The following MAF variants were observed in gnomAD, a reference collection of about 807,000 sequenced individuals.
The protein encoded by MAF is transcription factor Maf.
MAF carries 10 observed loss-of-function variants against 22.0 expected under a neutral mutation model. That is an observed-to-expected ratio of 0.45 (90% CI 0.28 to 0.77). The LOEUF is 0.77. Ranked by LOEUF, MAF falls within the 30% of genes least tolerant of loss-of-function variation. The pLI is 0.12. For missense variants in MAF, 544 were observed against 548.4 expected (o/e 0.99, Z 0.08); for synonymous variants, 337 against 255.8 (o/e 1.32, Z -3.03).
At chr16:79,596,015 GAGA>G in intron 1 of MAF, 1 of 1,060,678 alleles carries the variant, frequency 9.4e-7, no homozygotes, top group Non-Finnish European at 1.1e-6. Flanking sequence ...CGGTGTGTAA[GAGA>G]AGAAGGAAAA....
chr16:79,520,419 G>A, the MAF span, among the ~76,000 whole-genome samples: 233 of 152,148 alleles, frequency 1.5e-3, 1 homozygote, highest in African/African-American at 5.3e-3. Context: ...CACACAAAGG[G>A]CTCTCGTGGT....
At chr16:79,463,687 T>C in the MAF span, among the ~76,000 whole-genome samples, 5 of 152,324 alleles carry the variant, frequency 3.3e-5, no homozygotes, top group East Asian at 1.9e-4. Context: ...TAGGTTGGCA[T>C]TGGACGTGTA....
the MAF span, among the ~76,000 whole-genome samples, chr16:79,223,657 A>G: frequency 0.48 from 73,334 of 151,668 alleles, 19,270 homozygotes; most frequent in Non-Finnish European, 0.61. Flanking sequence ...AATAGACTCA[A>G]TAAAAAATGA....
the MAF span, among the ~76,000 whole-genome samples, chr16:79,521,469 A>C: frequency 6.6e-6 from 1 of 152,246 alleles, no homozygotes; most frequent in Admixed American, 6.5e-5. Flanking sequence ...CTCAGGACGC[A>C]TTTCGTACAG....
the MAF span, among the ~76,000 whole-genome samples, chr16:79,221,348 A>C: frequency 5.9e-5 from 9 of 152,192 alleles, no homozygotes; most frequent in Admixed American, 2.6e-4. Flanking sequence ...AAATTCAGTC[A>C]TGTTACCGTT....
chr16:79,302,938 GGA>G, the MAF span, among the ~76,000 whole-genome samples: 2 of 152,198 alleles, frequency 1.3e-5, no homozygotes, highest in Non-Finnish European at 2.9e-5. Flanking sequence ...CTGTCAGATG[GGA>G]GACACTCTCC....
the MAF span, among the ~76,000 whole-genome samples, chr16:79,466,898 C>T: frequency 6.6e-6 from 1 of 152,250 alleles, no homozygotes; most frequent in Admixed American, 6.5e-5. Context: ...GTGGCTTTTA[C>T]CAGTGTGGAA....
the MAF span, among the ~76,000 whole-genome samples, chr16:79,221,733 G>A: frequency 2.0e-5 from 3 of 151,562 alleles, 1 homozygote; most frequent in Non-Finnish European, 4.4e-5. Context: ...GTGTGCACGT[G>A]TGTACGTATA....
the MAF span, among the ~76,000 whole-genome samples, chr16:79,344,775 T>C: frequency 9.2e-5 from 14 of 152,340 alleles, no homozygotes; most frequent in South Asian, 4.1e-4. Context: ...CTCAGAATTT[T>C]GCATTTTTAA....
chr16:79,591,734 G>A (rs372427813), downstream of MAF, among the ~76,000 whole-genome samples: 31 of 152,300 alleles, frequency 2.0e-4, no homozygotes, highest in African/African-American at 7.5e-4. Flanking sequence ...AAAACACACA[G>A]AGGGCCTTCG....
At chr16:79,296,118 G>C in the MAF span, among the ~76,000 whole-genome samples, 2 of 152,202 alleles carry the variant, frequency 1.3e-5, no homozygotes, top group Non-Finnish European at 2.9e-5. Context: ...CTCTTTCTTA[G>C]CCTTATCTGT....
the MAF span, among the ~76,000 whole-genome samples, chr16:79,311,160 G>T: frequency 1.3e-5 from 2 of 151,564 alleles, no homozygotes; most frequent in Admixed American, 6.6e-5. Flanking sequence ...TCTCCCTCCC[G>T]CAGCCCTCTC....
the MAF span, among the ~76,000 whole-genome samples, chr16:79,304,951 C>T: frequency 6.6e-6 from 1 of 152,002 alleles, no homozygotes; most frequent in African/African-American, 2.4e-5. Context: ...TTTCTAGAAC[C>T]ACCAGCTCAT....
chr16:79,393,017 G>T, the MAF span, among the ~76,000 whole-genome samples: 1 of 152,188 alleles, frequency 6.6e-6, no homozygotes, highest in Admixed American at 6.5e-5. Flanking sequence ...TCTCTTCCAG[G>T]AAGTTTTTTT....
chr16:79,420,175 T>C, the MAF span, among the ~76,000 whole-genome samples: 1 of 152,142 alleles, frequency 6.6e-6, no homozygotes, highest in Non-Finnish European at 1.5e-5. Context: ...CAGAGGCACT[T>C]GGAAAAAAGA....
chr16:79,374,381 C>A, the MAF span, among the ~76,000 whole-genome samples: 1 of 152,200 alleles, frequency 6.6e-6, no homozygotes, highest in African/African-American at 2.4e-5. Context: ...CTCCCAACCT[C>A]TCTGCTATTT....
the MAF span, among the ~76,000 whole-genome samples, chr16:79,299,187 G>C: frequency 1.3e-5 from 2 of 152,070 alleles, no homozygotes; most frequent in Non-Finnish European, 2.9e-5. Flanking sequence ...GGCGACCTTT[G>C]CCCTTTGGCT....
At chr16:79,443,906 G>A in the MAF span, among the ~76,000 whole-genome samples, 4 of 152,018 alleles carry the variant, frequency 2.6e-5, no homozygotes, top group African/African-American at 7.3e-5. Flanking sequence ...GCCACTTGTG[G>A]TTGTTTTTTT....
At chr16:79,229,021 G>C in the MAF span, among the ~76,000 whole-genome samples, 12 of 151,796 alleles carry the variant, frequency 7.9e-5, no homozygotes, top group African/African-American at 2.9e-4. Context: ...TGGAGCAAAA[G>C]ATACAGCACA....
Sources: gnomAD v4.1 joint callset for allele counts (sites outside exome capture counted in the v4.1 genomes callset) on GRCh38, gnomAD v4.1.1 for gene constraint, MANE v1.5 for transcripts, NCBI Gene and HGNC (gene_info 2026-07-23, HGNC 2026-07-21) for gene names.